Variants in SYNPO2 observed in about 807,000 individuals in gnomAD.
The protein encoded by SYNPO2 is synaptopodin 2.
SYNPO2 carries 56 observed loss-of-function variants against 85.0 expected under a neutral mutation model. That is an observed-to-expected ratio of 0.66 (90% CI 0.53 to 0.82). The LOEUF is 0.82. Among genes scored for constraint, SYNPO2 ranks in the 40% least tolerant of loss-of-function variants. The pLI is 0.00. For missense variants in SYNPO2, 1,575 were observed against 1,534.2 expected, an observed-to-expected ratio of 1.03 and a Z score of -0.44; for synonymous variants, 602 against 591.1, an observed-to-expected ratio of 1.02 and a Z score of -0.27.
intron 1 of SYNPO2, among the ~76,000 whole-genome samples, chr4:118,995,697 T>C (rs1208565351): frequency 2.6e-5 from 4 of 152,158 alleles, no homozygotes; most frequent in African/African-American, 9.7e-5. Context: ...TGCCCCTTAA[T>C]AACCAATAAC....
At chr4:118,938,788 C>T (rs950418314) in intron 1 of SYNPO2, among the ~76,000 whole-genome samples, 15 of 152,116 alleles carry the variant, frequency 9.9e-5, no homozygotes, top group Admixed American at 7.9e-4. Context: ...AAAAATAAGT[C>T]ACCATTACTT....
intron 1 of SYNPO2, among the ~76,000 whole-genome samples, chr4:118,856,795 A>G (rs1417647264): frequency 6.6e-6 from 1 of 152,184 alleles, no homozygotes; most frequent in Non-Finnish European, 1.5e-5. Flanking sequence ...TACAGGCGTG[A>G]GCCACACCTG....
chr4:118,959,403 C>G (rs1327119958), intron 1 of SYNPO2, among the ~76,000 whole-genome samples: 1 of 152,166 alleles, frequency 6.6e-6, no homozygotes, highest in Non-Finnish European at 1.5e-5. Context: ...ATAGTAAAAA[C>G]TTGGCACAAA....
intron 4 of SYNPO2, 66 bp from the exon 5 acceptor site, chr4:119,057,335 A>C: frequency 6.9e-7 from 1 of 1,446,944 alleles, no homozygotes; most frequent in Non-Finnish European, 9.3e-7. Flanking sequence ...TGCTAGGAAT[A>C]CTTTGGAGTA....
intron 1 of SYNPO2, among the ~76,000 whole-genome samples, chr4:118,976,155 T>A (rs539728417): frequency 6.6e-6 from 1 of 152,276 alleles, no homozygotes; most frequent in East Asian, 1.9e-4. Context: ...TTACAGCTCT[T>A]AAGTTGGCAC....
At position 118,927,750 on chromosome 4, in the gene SYNPO2, G is replaced by T. The variant is rs75485026; in HGVS notation, c.105+38609G>T. ...TAGATAGATAGATAGATAGATAGAT[G>T]ATAGATAGATATATAGATAGATAGA... is the stretch of plus-strand genomic sequence containing the variant. On this transcript the variant is annotated intron_variant, in intron 1 of 4. Coordinates refer to ENST00000307142, the MANE Select transcript of SYNPO2 (RefSeq NM_133477.3). Among the ~76,000 whole-genome samples, 1,023 of 114,994 alleles carry T rather than the reference G, an allele frequency of 8.9e-3. 10 individuals carry two copies. The highest frequency in any genetic ancestry group is 0.021 in the African/African-American group (590 of 27,576). 75.4% of individuals were successfully genotyped at this position (114,994 alleles called of 152,430 possible). A position where few individuals can be genotyped will look rare whatever the true frequency, so the allele number is the denominator to read the frequency against.
intron 1 of SYNPO2, among the ~76,000 whole-genome samples, chr4:118,879,755 G>C (rs757174843): frequency 1.3e-5 from 2 of 152,158 alleles, no homozygotes; most frequent in Non-Finnish European, 2.9e-5. Context: ...ACTGGTCACT[G>C]AACTGTCCGT....
At chr4:119,055,960 T>C (rs1739192913) in intron 4 of SYNPO2, among the ~76,000 whole-genome samples, 1 of 152,196 alleles carries the variant, frequency 6.6e-6, no homozygotes, top group Non-Finnish European at 1.5e-5. Flanking sequence ...GGTATTGATA[T>C]TCACTTTAAA....
Position 118,929,063 on chromosome 4 carries a change from C to T in SYNPO2, c.105+39922C>T, listed in dbSNP as rs533071943. Among the ~76,000 whole-genome samples, 4 of 150,568 alleles carry T rather than the reference C, an allele frequency of 2.7e-5. No homozygotes were observed. In the South Asian group the frequency reaches 6.3e-4, roughly 24 times the overall value. On this transcript the variant is annotated intron_variant, in intron 1 of 4. Transcript: ENST00000307142. ...GCCAGCATTTAGGAAAGTACCTGGTCCTTGGCCACATAAAGAAAAAAAAAA... is the reference window on the plus strand; with the variant it reads ...GCCAGCATTTAGGAAAGTACCTGGTTCTTGGCCACATAAAGAAAAAAAAAA...
chr4:119,057,033 G>A (rs1739228857), intron 4 of SYNPO2, among the ~76,000 whole-genome samples: 1 of 152,196 alleles, frequency 6.6e-6, no homozygotes, highest in African/African-American at 2.4e-5. Flanking sequence ...ATATGCTTAT[G>A]TGGAGGGCAG....
At chr4:119,012,218 C>T (rs1230581554) in intron 1 of SYNPO2, among the ~76,000 whole-genome samples, 2 of 152,020 alleles carry the variant, frequency 1.3e-5, no homozygotes, top group Non-Finnish European at 2.9e-5. Context: ...CCACTGTGCC[C>T]AGCCACCTCT....
intron 1 of SYNPO2, among the ~76,000 whole-genome samples, chr4:118,871,308 C>T (rs1731795572): frequency 1.3e-5 from 2 of 151,424 alleles, no homozygotes; most frequent in Admixed American, 6.6e-5. Flanking sequence ...TGCTCTGTTG[C>T]CCAAAGTGCT....
intron 1 of SYNPO2, among the ~76,000 whole-genome samples, chr4:118,966,424 T>G (rs971619900): frequency 2.0e-5 from 3 of 152,048 alleles, no homozygotes; most frequent in African/African-American, 7.2e-5. Flanking sequence ...TGGTTTGTCT[T>G]TCCCAGAAAC....
Position 119,026,844 on chromosome 4 carries a change from G to C in SYNPO2, c.475G>C (p.Glu159Gln), listed in dbSNP as rs1025577626. The C allele has an allele frequency of 1.2e-6, 2 of 1,614,102 alleles. No homozygotes were observed. The highest frequency in any genetic ancestry group is 1.7e-6 in the Non-Finnish European group (2 of 1,179,998). The change falls in exon 3 of 5, where the codon GAA becomes CAA. Residue 159 changes from glutamate (E) to glutamine (Q), a missense_variant. Around this residue, in one of 3 missense-constraint regions of SYNPO2, gnomAD observed 1,508 missense variants for 1,446.8 expected, o/e 1.04. Coordinates refer to ENST00000307142, the MANE Select transcript of SYNPO2 (RefSeq NM_133477.3). ...GPDCAGSLKE[E>Q]TGPSYQRAPQ... The stretch of plus-strand genomic sequence containing the variant: ...CGACTGTGCAGGCAGCTTGAAAGAA[G>C]AAACAGGCCCGAGCTACCAAAGGGC...
exon 1 of SYNPO2, chr4:118,850,797 G>A: frequency 2.5e-6 from 1 of 398,656 alleles, no homozygotes; most frequent in Middle Eastern, 6.3e-4. Context: ...TCTTGAGGAT[G>A]GATCAGATTG....
At chr4:118,867,744 C>CA (rs70944817) in intron 1 of SYNPO2, among the ~76,000 whole-genome samples, 78,049 of 151,794 alleles carry the variant, frequency 0.51, 22,984 homozygotes, top group Admixed American at 0.67. Flanking sequence ...ACAATTTTCT[C>CA]AAAAAACCTA....
At position 118,859,204 on chromosome 4, in the gene SYNPO2, T is replaced by G. The variant is rs181499901; in HGVS notation, c.12+8264T>G. Among the ~76,000 whole-genome samples, 14 of 152,312 alleles carry G rather than the reference T, an allele frequency of 9.2e-5. No individual in the cohort carries two copies. The East Asian group carries it at 2.7e-3, about 29-fold the overall frequency. ...TCCTTTGTGTCGACTAGAGGAAAAG[T>G]AAGCTCAAAAATGTTCTAAGATAAA... On this transcript the variant is annotated intron_variant, in intron 1 of 4. Coordinates refer to the SYNPO2 transcript ENST00000610556.
chr4:119,058,216 T>G lies in SYNPO2; in HGVS notation c.*282T>G. On this transcript the variant is annotated 3_prime_UTR_variant, in exon 5 of 5. Coordinates refer to ENST00000307142, the MANE Select transcript of SYNPO2 (RefSeq NM_133477.3). The stretch of plus-strand genomic sequence containing the variant: ...ACTATTTGCATTGATGTGCTGGCAT[T>G]TATATGTAATTCATAATTTTGATTC... 4.6e-6 allele frequency: 1 copy of G among 217,000 alleles called. No homozygotes were observed. Among genetic ancestry groups the G allele is most frequent in the South Asian group, 1.2e-4 (1 of 8,302 alleles). The allele number at this position is 217,000 out of a possible 1,614,324, so 13.4% of individuals were successfully genotyped here. A position where few individuals can be genotyped will look rare whatever the true frequency, so the allele number is the denominator to read the frequency against.
At chr4:118,960,457 G>T (rs139035381) in intron 1 of SYNPO2, among the ~76,000 whole-genome samples, 1 of 152,108 alleles carries the variant, frequency 6.6e-6, no homozygotes, top group South Asian at 2.1e-4. Context: ...TGGTAAAATC[G>T]TAAATTGAAT....
Sources: gnomAD v4.1 joint callset for allele counts (sites outside exome capture counted in the v4.1 genomes callset) on GRCh38, gnomAD v4.1.1 for gene constraint, gnomAD v4.1.1 regional missense constraint, MANE v1.5 for transcripts, NCBI Gene and HGNC (gene_info 2026-07-23, HGNC 2026-07-21) for gene names.